The following AMMECR1 variants were observed in gnomAD, a reference collection of about 807,000 sequenced individuals.
The protein encoded by AMMECR1 is AMMECR nuclear protein 1.
A neutral mutation model predicts 22.5 loss-of-function variants in AMMECR1; 3 were observed. That is an observed-to-expected ratio of 0.13 (90% CI 0.06 to 0.35). AMMECR1 has a LOEUF of 0.35. AMMECR1 is among the 10% of genes least tolerant of loss of function. AMMECR1 has a pLI of 1.00. For missense variants in AMMECR1, 235 were observed against 278.7 expected, an observed-to-expected ratio of 0.84 and a Z score of 1.12; for synonymous variants, 130 against 116.7, an observed-to-expected ratio of 1.11 and a Z score of -0.74.
chrX:110,234,888 C>A (rs1383603380), intron 2 of AMMECR1, among the ~76,000 whole-genome samples: 4 of 112,116 alleles, frequency 3.6e-5, no homozygotes, highest in Non-Finnish European at 7.5e-5. Context: ...TAGAAGAAAA[C>A]CTATGCAATA....
At chrX:110,204,302 T>A (rs1177189856) in intron 3 of AMMECR1, among the ~76,000 whole-genome samples, 2 of 111,679 alleles carry the variant, frequency 1.8e-5, no homozygotes, top group Non-Finnish European at 3.8e-5. Flanking sequence ...TCTTCAACTC[T>A]ATTTATCAAA....
intron 2 of AMMECR1, among the ~76,000 whole-genome samples, chrX:110,374,023 CAT>C (rs770513723): frequency 9.0e-6 from 1 of 111,639 alleles, no homozygotes; most frequent in African/African-American, 3.3e-5. Flanking sequence ...AGAAGACACA[CAT>C]GATATAACAA....
rs191410694 is a variant in AMMECR1, at chrX:110,210,762, G to A, written c.699+5756C>T. Among the ~76,000 whole-genome samples the A allele has an allele frequency of 5.3e-5, 6 of 112,244 alleles. No individual in the cohort carries two copies. In the East Asian group the frequency reaches 1.7e-3, roughly 31 times the overall value. On this transcript the variant is annotated intron_variant, in intron 3 of 5. Transcript: ENST00000262844. ...TGTGATCACTCAAGAGGTGTGCCTT[G>A]GAGGTTGCTTTTAAAGTGAAACACA... is the stretch of plus-strand genomic sequence containing the variant.
intron 2 of AMMECR1, among the ~76,000 whole-genome samples, chrX:110,374,205 A>G (rs1248842633): frequency 1.8e-5 from 2 of 112,270 alleles, no homozygotes; most frequent in African/African-American, 6.5e-5. Flanking sequence ...TGTAGATGCA[A>G]CAGGGTGAAA....
chrX:110,393,781 G>A (rs2068510602), intron 2 of AMMECR1, among the ~76,000 whole-genome samples: 1 of 112,629 alleles, frequency 8.9e-6, no homozygotes, highest in African/African-American at 3.2e-5. Flanking sequence ...GGACAGGATG[G>A]CGTCCTGACC....
chrX:110,234,240 A>G (rs2067586879), intron 2 of AMMECR1, among the ~76,000 whole-genome samples: 1 of 112,074 alleles, frequency 8.9e-6, no homozygotes, highest in African/African-American at 3.2e-5. Flanking sequence ...TGCTACAAAG[A>G]GAATAAAATA....
chrX:110,356,764 C>T (rs2068232449), intron 2 of AMMECR1, among the ~76,000 whole-genome samples: 1 of 110,366 alleles, frequency 9.1e-6, no homozygotes, highest in Non-Finnish European at 1.9e-5. Context: ...TGTCCACATC[C>T]CTTATGACAT....
At chrX:110,403,837 C>T (rs775709739) in intron 2 of AMMECR1, among the ~76,000 whole-genome samples, 11 of 112,112 alleles carry the variant, frequency 9.8e-5, no homozygotes, top group Non-Finnish European at 2.1e-4. Context: ...TGCCTCAGAC[C>T]CCACTGGAGG....
chrX:110,210,252 TAA>T (rs778252834), intron 3 of AMMECR1, among the ~76,000 whole-genome samples: 5 of 95,895 alleles, frequency 5.2e-5, no homozygotes, highest in Non-Finnish European at 4.2e-5. Flanking sequence ...CCACGGCACT[TAA>T]AAAAAAAAAA....
chrX:110,411,740 G>A lies in AMMECR1; in HGVS notation c.-148+14918C>T, dbSNP rs140923656. On this transcript the variant is annotated intron_variant, in intron 2 of 7. Coordinates refer to the AMMECR1 transcript ENST00000372057. ...TATTCAGAATACTCCACCAGCTCCA[G>A]TGTAAGAAGTGCATTATTTTCTTTA... Among the ~76,000 whole-genome samples, 390 of 112,424 alleles carry A rather than the reference G, an allele frequency of 3.5e-3. 4 individuals are homozygous for A. The highest frequency in any genetic ancestry group is 0.012 in the African/African-American group (357 of 30,966).
chrX:110,373,362 T>A (rs2068352777), intron 2 of AMMECR1, among the ~76,000 whole-genome samples: 1 of 111,766 alleles, frequency 8.9e-6, no homozygotes, highest in Admixed American at 9.5e-5. Context: ...ACCCACATAA[T>A]GCAGAAACCC....
At chrX:110,349,652 C>T (rs1476838727) in intron 2 of AMMECR1, among the ~76,000 whole-genome samples, 3 of 111,805 alleles carry the variant, frequency 2.7e-5, no homozygotes, top group Non-Finnish European at 5.6e-5. Context: ...ATGGAGTTTA[C>T]GATGGTGTCA....
intron 2 of AMMECR1, among the ~76,000 whole-genome samples, chrX:110,374,872 G>T (rs1302419292): frequency 2.7e-5 from 3 of 110,848 alleles, no homozygotes; most frequent in African/African-American, 9.9e-5. Context: ...GATTATGGAG[G>T]GCCTAAGAAG....
chrX:110,351,545 A>G (rs1417488514), intron 2 of AMMECR1, among the ~76,000 whole-genome samples: 1 of 112,087 alleles, frequency 8.9e-6, no homozygotes, highest in South Asian at 3.7e-4. Context: ...CACATGCAAA[A>G]GAATGAGGTT....
intron 1 of AMMECR1, among the ~76,000 whole-genome samples, chrX:110,297,580 T>G (rs928863273): frequency 3.7e-5 from 4 of 107,817 alleles, no homozygotes; most frequent in Non-Finnish European, 3.9e-5. Flanking sequence ...CAAATCTAAC[T>G]TTTTTTTTTA....
chrX:110,388,518 G>C (rs1264365504), intron 2 of AMMECR1, among the ~76,000 whole-genome samples: 3 of 111,659 alleles, frequency 2.7e-5, no homozygotes, highest in African/African-American at 9.8e-5. Context: ...ACTTTGTCTT[G>C]GCTGTTTTCT....
chrX:110,202,417 G>C, intron 4 of AMMECR1, 29 bp downstream of exon 4: 1 of 1,111,794 alleles, frequency 9.0e-7, no homozygotes, highest in Non-Finnish European at 1.2e-6. Flanking sequence ...TTCTTCACCA[G>C]ATCATATGAA....
At chrX:110,273,857 T>A (rs1455417990) in intron 1 of AMMECR1, among the ~76,000 whole-genome samples, 1 of 112,409 alleles carries the variant, frequency 8.9e-6, no homozygotes. Flanking sequence ...TGTACCAGTA[T>A]CATGCTGTTT....
At chrX:110,289,568 A>G (rs914297421) in intron 1 of AMMECR1, among the ~76,000 whole-genome samples, 10 of 112,479 alleles carry the variant, frequency 8.9e-5, no homozygotes, top group African/African-American at 2.9e-4. Flanking sequence ...TTATACTGGA[A>G]GTTTACAGGC....
Sources: allele counts gnomAD v4.1 joint callset (sites outside exome capture counted in the v4.1 genomes callset), GRCh38; gene constraint gnomAD v4.1.1; transcripts MANE v1.5; gene names NCBI Gene and HGNC (gene_info 2026-07-23, HGNC 2026-07-21).